ZNF474: variants seen among roughly 807,000 people sequenced by gnomAD.
ZNF474 encodes the protein 4933409D10Rik.
For missense variants in ZNF474, 511 were observed against 433.8 expected, an observed-to-expected ratio of 1.18 and a Z score of -1.58; for synonymous variants, 192 against 162.2, an observed-to-expected ratio of 1.18 and a Z score of -1.39.
intron 1 of ZNF474, among the ~76,000 whole-genome samples, chr5:122,149,352 G>T (rs923817613): frequency 6.6e-6 from 1 of 152,146 alleles, no homozygotes; most frequent in African/African-American, 2.4e-5. Context: ...CATAGCCCCA[G>T]TCTCTCTCTT....
chr5:122,132,974 C>T (rs556934263), intron 1 of ZNF474, among the ~76,000 whole-genome samples: 17 of 152,252 alleles, frequency 1.1e-4, no homozygotes, highest in Middle Eastern at 6.8e-3. Context: ...GAACCATACG[C>T]AAGAATTAGA....
intron 1 of ZNF474, among the ~76,000 whole-genome samples, chr5:122,130,479 T>C (rs1755550603): frequency 6.6e-6 from 1 of 152,178 alleles, no homozygotes; most frequent in Admixed American, 6.6e-5. Flanking sequence ...CAGCAGAATG[T>C]TTTTTCAAGC....
chr5:122,148,578 T>C (rs891006245), intron 1 of ZNF474, among the ~76,000 whole-genome samples: 1 of 152,160 alleles, frequency 6.6e-6, no homozygotes, highest in Non-Finnish European at 1.5e-5. Flanking sequence ...TCATTCATCG[T>C]TGGTCTGCCC....
chr5:122,140,710 T>G (rs1006797968), intron 1 of ZNF474, among the ~76,000 whole-genome samples: 83 of 152,174 alleles, frequency 5.5e-4, no homozygotes, highest in African/African-American at 1.9e-3. Context: ...AATGCTATCA[T>G]TAGTCTTTGT....
intron 1 of ZNF474, among the ~76,000 whole-genome samples, chr5:122,138,154 A>G (rs1466472018): frequency 1.3e-5 from 2 of 152,242 alleles, no homozygotes; most frequent in African/African-American, 4.8e-5. Flanking sequence ...GAAAATACTA[A>G]GATGAGAAGG....
chr5:122,147,464 T>G (rs1345314641), intron 1 of ZNF474, among the ~76,000 whole-genome samples: 1 of 152,178 alleles, frequency 6.6e-6, no homozygotes. Context: ...CATGTTGGTT[T>G]GCTCCACCCA....
intron 1 of ZNF474, among the ~76,000 whole-genome samples, chr5:122,144,516 C>A (rs1230312729): frequency 1.3e-5 from 2 of 152,140 alleles, no homozygotes; most frequent in Non-Finnish European, 2.9e-5. Flanking sequence ...AACCAAAAAT[C>A]CTTATTTTAT....
intron 1 of ZNF474, among the ~76,000 whole-genome samples, chr5:122,146,929 T>C (rs972229104): frequency 6.6e-6 from 1 of 152,218 alleles, no homozygotes. Flanking sequence ...TTCTTACAAG[T>C]TCCACACAAT....
intron 1 of ZNF474, 102 bp from the exon 2 acceptor site, chr5:122,151,677 G>GCA (rs752327390): frequency 1.3e-3 from 239 of 180,172 alleles, no homozygotes; most frequent in Admixed American, 2.1e-3. Flanking sequence ...CAAAAAAAAA[G>GCA]CACACACACA....
intron 1 of ZNF474, chr5:122,147,852 C>G (rs1201143981): frequency 1.3e-5 from 2 of 152,202 alleles, no homozygotes; most frequent in Non-Finnish European, 2.9e-5. Flanking sequence ...GTGTTTGTCT[C>G]TCCCTTCCCA....
At chr5:122,149,900 TG>T (rs1561443036) in intron 1 of ZNF474, among the ~76,000 whole-genome samples, 1 of 150,812 alleles carries the variant, frequency 6.6e-6, no homozygotes, top group African/African-American at 2.5e-5. Context: ...TGTGTGTGTG[TG>T]TGTGTGTGTG....
At chr5:122,130,399 G>T (rs1451580375) in intron 1 of ZNF474, among the ~76,000 whole-genome samples, 1 of 152,026 alleles carries the variant, frequency 6.6e-6, no homozygotes, top group African/African-American at 2.4e-5. Flanking sequence ...AGAATAGTTG[G>T]CCATTCATGA....
intron 1 of ZNF474, among the ~76,000 whole-genome samples, chr5:122,133,116 GA>G (rs921657426): frequency 2.6e-5 from 4 of 151,884 alleles, no homozygotes; most frequent in African/African-American, 9.7e-5. Flanking sequence ...TAATCCCAGT[GA>G]AAAAAATAAG....
intron 1 of ZNF474, among the ~76,000 whole-genome samples, chr5:122,136,398 A>G (rs1271725857): frequency 1.3e-5 from 2 of 152,056 alleles, no homozygotes; most frequent in Non-Finnish European, 2.9e-5. Context: ...GAATAAACTT[A>G]GCTCAGGGAA....
chr5:122,139,858 G>A (rs1328325806), intron 1 of ZNF474, among the ~76,000 whole-genome samples: 1 of 152,178 alleles, frequency 6.6e-6, no homozygotes, highest in Non-Finnish European at 1.5e-5. Flanking sequence ...AAGCTTTTAA[G>A]GCAGCTTAGG....
Position 122,141,917 on chromosome 5 carries a change from A to G in ZNF474, c.-212-9862A>G, listed in dbSNP as rs116576156. On this transcript the variant is annotated intron_variant, in intron 1 of 1. Coordinates refer to ENST00000296600, the MANE Select transcript of ZNF474 (RefSeq NM_207317.3). Reference sequence around the variant, plus strand: ...CTGTCTATCTCTCACTGACTGGGGAAGAAGTTCTCCACATTTGATGACTCA... The same window carrying G: ...CTGTCTATCTCTCACTGACTGGGGAGGAAGTTCTCCACATTTGATGACTCA... Among the ~76,000 whole-genome samples the G allele has an allele frequency of 2.4e-3, 373 of 152,322 alleles. 2 individuals carry two copies. The highest frequency in any genetic ancestry group is 0.01 in the Middle Eastern group (3 of 294).
intron 1 of ZNF474, among the ~76,000 whole-genome samples, chr5:122,137,751 AT>A (rs1185622639): frequency 6.6e-6 from 1 of 152,210 alleles, no homozygotes; most frequent in Non-Finnish European, 1.5e-5. Context: ...TACAGAGGGC[AT>A]TCAAGGTCAA....
chr5:122,141,095 T>TTTTTATTTTATTTTATTTTATTTTA (rs201853082), intron 1 of ZNF474, among the ~76,000 whole-genome samples: 3 of 53,276 alleles, frequency 5.6e-5, no homozygotes, highest in African/African-American at 9.9e-5. Context: ...ATTTTTTTAT[T>TTTTTATTTTATTTTATTTTATTTTA]TTTTATTTTA....
rs1385893260 is a variant in ZNF474, at chr5:122,153,364, G to A, written c.*279G>A. On this transcript the variant is annotated 3_prime_UTR_variant, in exon 2 of 2. Coordinates refer to ENST00000296600, the MANE Select transcript of ZNF474 (RefSeq NM_207317.3). ...GGGAGAGACAGTAATTTGAAAATGAGTCATTAATGCTGTGTCTACATTACA... is the reference window on the plus strand; with the variant it reads ...GGGAGAGACAGTAATTTGAAAATGAATCATTAATGCTGTGTCTACATTACA... 2 of 399,576 alleles carry A rather than the reference G, an allele frequency of 5.0e-6. No homozygotes were observed. The highest frequency in any genetic ancestry group is 4.1e-5 in the Admixed American group (1 of 24,388). The allele number at this position is 399,576 out of a possible 1,614,324, so 24.8% of individuals were successfully genotyped here.
Sources: allele counts gnomAD v4.1 joint callset (sites outside exome capture counted in the v4.1 genomes callset), GRCh38; gene constraint gnomAD v4.1.1; transcripts MANE v1.5; gene names NCBI Gene and HGNC (gene_info 2026-07-23, HGNC 2026-07-21).